SOX5: variants seen among roughly 807,000 people sequenced by gnomAD.
SOX5 encodes transcription factor SOX-5.
In SOX5, 9 loss-of-function variants were observed where a neutral mutation model predicts 92.0. The ratio of observed to expected loss-of-function variants is 0.10; its 90% CI spans 0.06 to 0.17. SOX5 has a LOEUF of 0.17. Ranked by LOEUF, SOX5 falls within the 10% of genes least tolerant of loss-of-function variation. The pLI, the probability that SOX5 is intolerant of heterozygous loss-of-function variation, is 1.00. For missense variants in SOX5, 642 were observed against 944.5 expected (o/e 0.68, Z 4.20); for synonymous variants, 344 against 336.3 (o/e 1.02, Z -0.25).
chr12:23,791,104 T>C (rs2095468599), intron 3 of SOX5, among the ~76,000 whole-genome samples: 1 of 152,160 alleles, frequency 6.6e-6, no homozygotes, highest in South Asian at 2.1e-4. Context: ...TGAAGACTTG[T>C]TAATTACACA....
intron 4 of SOX5, among the ~76,000 whole-genome samples, chr12:24,100,367 T>G (rs775271076): frequency 5.9e-5 from 9 of 152,138 alleles, no homozygotes; most frequent in Non-Finnish European, 1.3e-4. Context: ...GAAATTATTC[T>G]TTTCAAAGTT....
At chr12:23,586,923 A>G (rs1013631799) in intron 9 of SOX5, among the ~76,000 whole-genome samples, 1 of 149,796 alleles carries the variant, frequency 6.7e-6, no homozygotes, top group Non-Finnish European at 1.5e-5. Flanking sequence ...GATATTATAT[A>G]TTATATATTT....
chr12:24,463,163 T>C (rs1943834799), intron 1 of SOX5, among the ~76,000 whole-genome samples: 1 of 151,644 alleles, frequency 6.6e-6, no homozygotes, highest in African/African-American at 2.4e-5. Context: ...GCCATGATCA[T>C]GCCACTTCAC....
At chr12:23,856,846 ACTT>A (rs778201654) in intron 2 of SOX5, among the ~76,000 whole-genome samples, 4 of 152,026 alleles carry the variant, frequency 2.6e-5, no homozygotes, top group South Asian at 4.1e-4. Flanking sequence ...AAAATGGAAA[ACTT>A]CTTATCATAG....
chr12:24,469,153 T>A (rs1174168044), intron 1 of SOX5, among the ~76,000 whole-genome samples: 1 of 152,182 alleles, frequency 6.6e-6, no homozygotes, highest in African/African-American at 2.4e-5. Flanking sequence ...AGGCATTAGA[T>A]TCTCGTAAGG....
chr12:24,533,650 A>G (rs970991531), intron 1 of SOX5, among the ~76,000 whole-genome samples: 1 of 152,150 alleles, frequency 6.6e-6, no homozygotes. Flanking sequence ...TTTTTTAAAA[A>G]CTGTTATTGC....
intron 4 of SOX5, among the ~76,000 whole-genome samples, chr12:24,203,186 T>C (rs1957699563): frequency 6.6e-6 from 1 of 152,212 alleles, no homozygotes; most frequent in Non-Finnish European, 1.5e-5. Flanking sequence ...ATTACTTTCA[T>C]TATTTTCTTG....
intron 3 of SOX5, among the ~76,000 whole-genome samples, chr12:23,825,673 G>C (rs2096217918): frequency 6.6e-6 from 1 of 152,174 alleles, no homozygotes; most frequent in Non-Finnish European, 1.5e-5. Context: ...CTATAGGACA[G>C]AGATAGATTT....
chr12:23,564,001 T>C (rs937789687), intron 10 of SOX5, among the ~76,000 whole-genome samples: 3 of 152,178 alleles, frequency 2.0e-5, no homozygotes, highest in African/African-American at 4.8e-5. Context: ...AAACTTGTAA[T>C]AGTTAGGCTA....
chr12:23,959,955 T>C (rs1193755598), intron 4 of SOX5, among the ~76,000 whole-genome samples: 1 of 152,068 alleles, frequency 6.6e-6, no homozygotes, highest in African/African-American at 2.4e-5. Context: ...GCAGATAGAG[T>C]TTACTTCCTA....
At chr12:23,601,495 C>T (rs999395956) in intron 9 of SOX5, among the ~76,000 whole-genome samples, 2 of 152,080 alleles carry the variant, frequency 1.3e-5, no homozygotes, top group Non-Finnish European at 1.5e-5. Flanking sequence ...GTAGACAACA[C>T]AAAACCCTTT....
At chr12:23,858,701 A>G (rs761145145) in intron 2 of SOX5, among the ~76,000 whole-genome samples, 6 of 152,160 alleles carry the variant, frequency 3.9e-5, no homozygotes, top group Non-Finnish European at 8.8e-5. Context: ...CTGAGTATAT[A>G]CCCAGAGGAA....
At chr12:24,552,719 G>A (rs1953317227) in intron 1 of SOX5, among the ~76,000 whole-genome samples, 1 of 152,214 alleles carries the variant, frequency 6.6e-6, no homozygotes, top group South Asian at 2.1e-4. Flanking sequence ...CGCTTTATAG[G>A]CTGGGTACAG....
intron 6 of SOX5, among the ~76,000 whole-genome samples, chr12:23,728,590 CA>C (rs1312834478): frequency 1.3e-5 from 2 of 151,938 alleles, no homozygotes; most frequent in African/African-American, 4.8e-5. Flanking sequence ...CAAGAATTAC[CA>C]AAACTTTAAT....
chr12:24,178,681 C>T, intron 4 of SOX5, among the ~76,000 whole-genome samples: 1 of 152,254 alleles, frequency 6.6e-6, no homozygotes, highest in Non-Finnish European at 1.5e-5. Flanking sequence ...ATCTTGTTTT[C>T]CTCCTAAAAA....
At position 23,533,326 on chromosome 12, in the gene SOX5, C is replaced by A; in HGVS notation, c.*893G>T. On this transcript the variant is annotated 3_prime_UTR_variant, in exon 15 of 15. Transcript: ENST00000451604. ...ATGTCTCTCTCTCTCTCTCTCTTTT[C>A]ACCTGAGAACAGCACCTACAGTTTC... The A allele has an allele frequency of 3.0e-6, 1 of 335,070 alleles. No homozygotes were observed. The allele number at this position is 335,070 out of a possible 1,614,324, so 20.8% of individuals were successfully genotyped here. A position where few individuals can be genotyped will look rare whatever the true frequency, so the allele number is the denominator to read the frequency against.
chr12:23,657,400 A>G lies in SOX5; in HGVS notation c.931+8044T>C, dbSNP rs1463523848. On this transcript the variant is annotated intron_variant, in intron 7 of 14. Transcript: ENST00000451604. The stretch of plus-strand genomic sequence containing the variant: ...GACATTTCAAAATCAGGACTTTTTA[A>G]GTCCTTACGGAAAATATATATCTAT... 6.6e-5 allele frequency among the ~76,000 whole-genome samples: 10 copies of G among 152,298 alleles called. No homozygotes were observed. The East Asian group carries it at 1.7e-3, about 26-fold the overall frequency.
intron 1 of SOX5, among the ~76,000 whole-genome samples, chr12:24,516,867 A>G (rs185822622): frequency 3.9e-5 from 6 of 152,332 alleles, no homozygotes; most frequent in Admixed American, 1.3e-4. Context: ...TCCTAACACT[A>G]GAAAAGATAA....
intron 1 of SOX5, among the ~76,000 whole-genome samples, chr12:24,461,326 T>C (rs11047459): frequency 0.25 from 38,022 of 151,904 alleles, 5,596 homozygotes; most frequent in East Asian, 0.67. Flanking sequence ...ATGTTGCTAG[T>C]GATGCTGTTA....
Sources: allele counts gnomAD v4.1 joint callset (sites outside exome capture counted in the v4.1 genomes callset), GRCh38; gene constraint gnomAD v4.1.1; transcripts MANE v1.5; gene names NCBI Gene and HGNC (gene_info 2026-07-23, HGNC 2026-07-21).